Variants in AXDND1 observed in about 807,000 individuals in gnomAD.
AXDND1 encodes the protein axonemal dynein light chain domain containing 1, also known as axonemal dynein light chain domain-containing protein 1.
AXDND1 carries 110 observed loss-of-function variants against 137.5 expected under a neutral mutation model. That is an observed-to-expected ratio of 0.80 (90% confidence interval 0.69 to 0.94). The LOEUF (loss-of-function observed/expected upper bound fraction) is 0.94, where lower values mean the gene tolerates loss of function less well. AXDND1 is among the 40% of genes least tolerant of loss of function. The pLI is 0.00. For synonymous variants in AXDND1, 414 were observed against 399.7 expected, an observed-to-expected ratio of 1.04 and a Z score of -0.43; for missense variants, 1,191 against 1,169.8, an observed-to-expected ratio of 1.02 and a Z score of -0.26.
chr1:179,540,149 G>A (rs1671986564), intron 25 of AXDND1, among the ~76,000 whole-genome samples: 1 of 151,880 alleles, frequency 6.6e-6, no homozygotes, highest in Admixed American at 6.6e-5. Flanking sequence ...TGCTCCTTTA[G>A]CTCGGAGATG....
At chr1:179,528,212 G>T in intron 22 of AXDND1, 115 bp from the exon 23 acceptor site, 2 of 684,218 alleles carry the variant, frequency 2.9e-6, no homozygotes. Context: ...TGTGATTAAA[G>T]GAAATGGAAA....
chr1:179,501,263 T>C (rs1667972157), intron 20 of AXDND1, among the ~76,000 whole-genome samples: 1 of 152,194 alleles, frequency 6.6e-6, no homozygotes, highest in Admixed American at 6.5e-5. Flanking sequence ...CTCCCATATT[T>C]TAAACTTCTT....
intron 12 of AXDND1, among the ~76,000 whole-genome samples, chr1:179,419,324 A>G (rs1267256891): frequency 2.6e-5 from 4 of 151,920 alleles, no homozygotes; most frequent in Non-Finnish European, 5.9e-5. Flanking sequence ...CCTGGGCACC[A>G]TTGAGCACTG....
At chr1:179,408,383 C>CTTTTT (rs998752586) in intron 11 of AXDND1, among the ~76,000 whole-genome samples, 2 of 144,674 alleles carry the variant, frequency 1.4e-5, no homozygotes, top group African/African-American at 5.1e-5. Context: ...ATGAAAAATT[C>CTTTTT]TTTTTTTTTT....
chr1:179,392,845 G>A (rs1650406443), intron 9 of AXDND1, among the ~76,000 whole-genome samples: 1 of 151,514 alleles, frequency 6.6e-6, no homozygotes, highest in African/African-American at 2.4e-5. Context: ...TGATTTGTTG[G>A]AGTTCATCGT....
At chr1:179,494,468 GT>G (rs1021427489) in intron 20 of AXDND1, among the ~76,000 whole-genome samples, 71 of 148,294 alleles carry the variant, frequency 4.8e-4, no homozygotes, top group African/African-American at 1.7e-3. Flanking sequence ...TTAGACAGCT[GT>G]TTTTTTTCTC....
At chr1:179,542,633 C>A (rs1425621339) in intron 25 of AXDND1, among the ~76,000 whole-genome samples, 1 of 152,158 alleles carries the variant, frequency 6.6e-6, no homozygotes, top group African/African-American at 2.4e-5. Context: ...GATAAATAAG[C>A]AAACCACCCA....
intron 9 of AXDND1, among the ~76,000 whole-genome samples, chr1:179,386,050 CTT>C (rs71111980): frequency 1.0e-3 from 102 of 102,404 alleles, no homozygotes; most frequent in African/African-American, 2.5e-3. Flanking sequence ...GGATTTTTTC[CTT>C]TTTTTTTTTT....
At chr1:179,462,537 G>C (rs189460017) in intron 16 of AXDND1, among the ~76,000 whole-genome samples, 4 of 152,120 alleles carry the variant, frequency 2.6e-5, no homozygotes, top group African/African-American at 9.7e-5. Context: ...CCAGGCTTTG[G>C]TATCAGGATG....
chr1:179,551,361 G>C lies in AXDND1; in HGVS notation c.3032-3151G>C, dbSNP rs763818901. On this transcript the variant is annotated intron_variant, in intron 25 of 25. Transcript: ENST00000367618. ...AGAGACTGAAGGGTGTGGAGGTATC[G>C]AAGCTGAACGGCAGCAGGGGTGCCT... The C allele has an allele frequency of 6.2e-6, 10 of 1,613,992 alleles. No individual in the cohort carries two copies. The highest frequency in any genetic ancestry group is 7.6e-6 in the Non-Finnish European group (9 of 1,179,998).
intron 23 of AXDND1, among the ~76,000 whole-genome samples, chr1:179,531,305 T>G (rs946455009): frequency 3.3e-5 from 5 of 152,136 alleles, no homozygotes; most frequent in African/African-American, 1.2e-4. Flanking sequence ...ATTAGGGAAG[T>G]TGCAAATCTT....
rs892656281 is a variant in AXDND1 at position 179,486,743 on chromosome 1, A to G, written c.2091+3522A>G. Among the ~76,000 whole-genome samples the G allele has an allele frequency of 1.5e-4, 23 of 149,062 alleles. 2 individuals carry two copies. Among genetic ancestry groups the G allele is most frequent in the African/African-American group, 5.6e-4 (22 of 39,280 alleles). On this transcript the variant is annotated intron_variant, in intron 18 of 25. Transcript: ENST00000367618. Reference sequence around the variant, plus strand: ...TAGCCAAACTGAGCTTCATAAGCAAAGGAGAAATGAGATCCTTTTTAGACA... The same window carrying G: ...TAGCCAAACTGAGCTTCATAAGCAAGGGAGAAATGAGATCCTTTTTAGACA...
intron 9 of AXDND1, among the ~76,000 whole-genome samples, chr1:179,386,457 T>C (rs1358865588): frequency 6.6e-6 from 1 of 152,148 alleles, no homozygotes. Context: ...TTTTGGTCTG[T>C]GGCTTTATAG....
intron 25 of AXDND1, chr1:179,551,808 G>A (rs1673326887): frequency 1.8e-5 from 5 of 283,270 alleles, no homozygotes; most frequent in South Asian, 1.8e-4. Context: ...CCCAACTCAG[G>A]GAAAGTGAAT....
At chr1:179,439,934 T>C (rs1056309978) in intron 15 of AXDND1, among the ~76,000 whole-genome samples, 1 of 152,232 alleles carries the variant, frequency 6.6e-6, no homozygotes, top group Non-Finnish European at 1.5e-5. Context: ...CGTCAGTAAA[T>C]CCACTGGACC....
intron 21 of AXDND1, among the ~76,000 whole-genome samples, chr1:179,519,146 G>A (rs1162365988): frequency 6.6e-6 from 1 of 152,190 alleles, no homozygotes; most frequent in Non-Finnish European, 1.5e-5. Context: ...GATCAGTGAT[G>A]TTGAGCTTTT....
intron 22 of AXDND1, 83 bp downstream of exon 22, chr1:179,525,530 C>T (rs4620484): frequency 0.9 from 1,284,905 of 1,427,340 alleles, 579,129 homozygotes; most frequent in East Asian, 0.97. Flanking sequence ...AGGGTCCTGC[C>T]CTGTCACCCA....
Position 179,447,696 on chromosome 1 carries a change from A to G in AXDND1, c.1798+2492A>G, listed in dbSNP as rs1221046526. ...GATTACTGCCACCTGGTGGAGGGGG[A>G]GACTTTGTAGGCATGACTTTACCTA... On this transcript the variant is annotated intron_variant, in intron 16 of 25. Coordinates refer to ENST00000367618, the MANE Select transcript of AXDND1 (RefSeq NM_144696.6). The G allele has an allele frequency of 2.2e-6, 3 of 1,339,658 alleles. No homozygotes were observed. The African/African-American group carries it at 4.3e-5, about 19-fold the overall frequency. 83.0% of individuals were successfully genotyped at this position (1,339,658 alleles called of 1,614,324 possible).
chr1:179,551,410 C>A (rs749023119), intron 25 of AXDND1: 1 of 1,614,056 alleles, frequency 6.2e-7, no homozygotes, highest in Non-Finnish European at 8.5e-7. Context: ...CTGCCATCCT[C>A]AGGGACTCAG....
Sources: allele counts gnomAD v4.1 joint callset (sites outside exome capture counted in the v4.1 genomes callset), GRCh38; gene constraint gnomAD v4.1.1; transcripts MANE v1.5; gene names NCBI Gene and HGNC (gene_info 2026-07-23, HGNC 2026-07-21).